ERC2: variants seen among roughly 807,000 people sequenced by gnomAD.
The protein encoded by ERC2 is ERC protein 2.
ERC2 carries 42 observed loss-of-function variants against 114.8 expected under a neutral mutation model. That is an observed-to-expected ratio of 0.37 (90% confidence interval 0.29 to 0.47). The LOEUF (loss-of-function observed/expected upper bound fraction) is 0.47. Among genes scored for constraint, ERC2 ranks in the 20% least tolerant of loss-of-function variants. The pLI is 0.99. For missense variants in ERC2, 939 were observed against 1,150.7 expected (o/e 0.82, Z 2.66); for synonymous variants, 454 against 425.5 (o/e 1.07, Z -0.82).
At chr3:55,687,830 T>C (rs1428721223) in intron 16 of ERC2, among the ~76,000 whole-genome samples, 1 of 152,202 alleles carries the variant, frequency 6.6e-6, no homozygotes, top group Non-Finnish European at 1.5e-5. Context: ...CATTTCCAAC[T>C]GCAGGCTTGG....
intron 14 of ERC2, among the ~76,000 whole-genome samples, chr3:55,740,463 C>G (rs1267608572): frequency 6.6e-6 from 1 of 151,612 alleles, no homozygotes; most frequent in Non-Finnish European, 1.5e-5. Context: ...ATTTTGAAAC[C>G]CTCATTTAAA....
At chr3:56,229,893 A>ATTTT in intron 3 of ERC2, among the ~76,000 whole-genome samples, 1 of 78,528 alleles carries the variant, frequency 1.3e-5, no homozygotes, top group African/African-American at 5.2e-5. Context: ...TTTTTTTGAG[A>ATTTT]TGGAGTCTCG....
rs145306710 is a variant in ERC2 at position 55,980,437 on chromosome 3, C to T, written c.2267+5540G>A. ...TGTGGAAATTCCAAGCACCTTCACC[C>T]AATATGGAAGAAAGTCCAGTCACAG... On this transcript the variant is annotated intron_variant, in intron 12 of 17. Transcript: ENST00000288221. Among the ~76,000 whole-genome samples the T allele has an allele frequency of 2.4e-4, 37 of 152,280 alleles. No individual in the cohort carries two copies. The East Asian group carries it at 6.6e-3, about 27-fold the overall frequency.
chr3:56,033,484 G>A (rs964888568), intron 7 of ERC2, among the ~76,000 whole-genome samples: 96 of 152,086 alleles, frequency 6.3e-4, no homozygotes, highest in Non-Finnish European at 4.0e-4. Context: ...AGCATTTCTT[G>A]TAAGGCATGT....
intron 13 of ERC2, among the ~76,000 whole-genome samples, chr3:55,901,675 C>T (rs77646827): frequency 0.037 from 5,625 of 152,278 alleles, 219 homozygotes; most frequent in African/African-American, 0.095. Context: ...ATGTCCCTTT[C>T]TTAAAGTCAA....
At chr3:56,066,667 T>C (rs1448262881) in intron 7 of ERC2, among the ~76,000 whole-genome samples, 1 of 152,210 alleles carries the variant, frequency 6.6e-6, no homozygotes, top group Non-Finnish European at 1.5e-5. Flanking sequence ...GATTTTCTTC[T>C]AGGGTTTTTA....
At chr3:56,313,924 T>G (rs2056741172) in intron 2 of ERC2, among the ~76,000 whole-genome samples, 1 of 152,202 alleles carries the variant, frequency 6.6e-6, no homozygotes. Context: ...ATTATGTTTC[T>G]TTGGAGTAGG....
intron 13 of ERC2, among the ~76,000 whole-genome samples, chr3:55,939,457 C>A (rs2066644821): frequency 6.6e-6 from 1 of 152,200 alleles, no homozygotes; most frequent in Non-Finnish European, 1.5e-5. Context: ...TCAAACATTT[C>A]TTTTGACTGC....
At chr3:55,617,068 C>A (rs948809025) in intron 17 of ERC2, among the ~76,000 whole-genome samples, 2 of 152,136 alleles carry the variant, frequency 1.3e-5, no homozygotes, top group Admixed American at 6.5e-5. Flanking sequence ...AACCCAAGAC[C>A]CACCTCCTTT....
chr3:55,975,231 G>A (rs2069491337), intron 12 of ERC2, among the ~76,000 whole-genome samples: 1 of 151,942 alleles, frequency 6.6e-6, no homozygotes, highest in Non-Finnish European at 1.5e-5. Context: ...GAATGCATAG[G>A]ACCAGGGCTA....
chr3:55,855,949 C>T (rs2061766745), intron 14 of ERC2, among the ~76,000 whole-genome samples: 1 of 152,178 alleles, frequency 6.6e-6, no homozygotes, highest in Admixed American at 6.5e-5. Context: ...CCATCGACCT[C>T]CAGGCTGCAG....
At chr3:55,547,287 C>T (rs1003993394) in intron 17 of ERC2, among the ~76,000 whole-genome samples, 2 of 152,240 alleles carry the variant, frequency 1.3e-5, no homozygotes, top group African/African-American at 4.8e-5. Flanking sequence ...TCTACATCGG[C>T]CAGGTCTGGA....
intron 17 of ERC2, among the ~76,000 whole-genome samples, chr3:55,679,158 G>A (rs766737657): frequency 3.9e-5 from 6 of 152,112 alleles, no homozygotes; most frequent in East Asian, 3.9e-4. Context: ...AAGGCCCTAC[G>A]TTTTCTGGTC....
rs1387735592 is a variant in ERC2, at chr3:55,583,383, TTTCTTTCCTTCCTTCTTTCCTTCCTTCC to T, written c.*40-72135_*40-72108del. Among the ~76,000 whole-genome samples the T allele has an allele frequency of 1.3e-3, 168 of 126,484 alleles. 1 individual carries two copies. The highest frequency in any genetic ancestry group is 5.1e-3 in the African/African-American group (155 of 30,150). 83.0% of individuals were successfully genotyped at this position (126,484 alleles called of 152,430 possible). A position where few individuals can be genotyped will look rare whatever the true frequency, so the allele number is the denominator to read the frequency against. On this transcript the variant is annotated intron_variant, in intron 17 of 17. Coordinates refer to ENST00000288221, the MANE Select transcript of ERC2 (RefSeq NM_015576.3). ...CCTGCCTGCCTGCCTTCTTTCCTTCTTTCTTTCCTTCCTTCTTTCCTTCCTTCCTTCCTTCCTTCCTTCCTTCCTTCCT... is the reference window on the plus strand; with the variant it reads ...CCTGCCTGCCTGCCTTCTTTCCTTCTTTCCTTCCTTCCTTCCTTCCTTCCT...
Position 55,550,798 on chromosome 3 carries a change from C to T in ERC2, c.*40-39522G>A, listed in dbSNP as rs112775639. On this transcript the variant is annotated intron_variant, in intron 17 of 17. Coordinates refer to ENST00000288221, the MANE Select transcript of ERC2 (RefSeq NM_015576.3). ...TTGGGAGGCCAAGGCGGGCAGATCA[C>T]GAGGTCAGGAGATCGAGACCATCCT... Among the ~76,000 whole-genome samples, 731 of 152,010 alleles carry T rather than the reference C, an allele frequency of 4.8e-3. 7 individuals carry two copies. Among genetic ancestry groups the T allele is most frequent in the African/African-American group, 0.017 (687 of 41,458 alleles).
intron 6 of ERC2, among the ~76,000 whole-genome samples, chr3:56,105,274 T>C (rs550504441): frequency 6.6e-6 from 1 of 152,044 alleles, no homozygotes; most frequent in Admixed American, 6.5e-5. Flanking sequence ...AAGACTTTGG[T>C]TGATATGGTC....
At chr3:55,952,179 ACTCTCTCTCTCT>A (rs775838556) in intron 12 of ERC2, among the ~76,000 whole-genome samples, 28 of 62,096 alleles carry the variant, frequency 4.5e-4, no homozygotes, top group African/African-American at 1.3e-3. Flanking sequence ...ACACACACAC[ACTCTCTCTCTCT>A]CTCTCTCTAT....
chr3:56,140,361 A>G (rs1421045439), intron 5 of ERC2, among the ~76,000 whole-genome samples: 1 of 152,134 alleles, frequency 6.6e-6, no homozygotes, highest in African/African-American at 2.4e-5. Flanking sequence ...GGCTGATCAT[A>G]TATTTTTGCA....
At chr3:55,589,268 C>T (rs952590456) in intron 17 of ERC2, among the ~76,000 whole-genome samples, 5 of 149,458 alleles carry the variant, frequency 3.3e-5, no homozygotes, top group African/African-American at 1.2e-4. Flanking sequence ...TCATCAACTT[C>T]AGCTGGCTAT....
Sources: allele counts gnomAD v4.1 joint callset (sites outside exome capture counted in the v4.1 genomes callset), GRCh38; gene constraint gnomAD v4.1.1; transcripts MANE v1.5; gene names NCBI Gene and HGNC (gene_info 2026-07-23, HGNC 2026-07-21).